Variants in GRIN2A observed in about 807,000 individuals in gnomAD.
GRIN2A encodes the protein glutamate receptor ionotropic, NMDA 2A.
Under a neutral mutation model 113.4 loss-of-function variants are expected in GRIN2A, and 22 were observed. That is an observed-to-expected ratio of 0.19 (90% CI 0.14 to 0.28). The LOEUF (loss-of-function observed/expected upper bound fraction) is 0.28. Ranked by LOEUF, GRIN2A falls within the 10% of genes least tolerant of loss-of-function variation. The pLI, the probability that GRIN2A is intolerant of heterozygous loss-of-function variation, is 1.00. For missense variants in GRIN2A, 1,502 were observed against 1,887.0 expected, an observed-to-expected ratio of 0.80 and a Z score of 3.78; for synonymous variants, 827 against 738.4, an observed-to-expected ratio of 1.12 and a Z score of -1.94.
At chr16:10,139,078 C>T (rs2049266335) in intron 2 of GRIN2A, among the ~76,000 whole-genome samples, 1 of 152,156 alleles carries the variant, frequency 6.6e-6, no homozygotes, top group African/African-American at 2.4e-5. Flanking sequence ...CTCAGAACAC[C>T]GGATGGAGAC....
intron 2 of GRIN2A, 105 bp downstream of exon 2, chr16:10,179,893 C>CCCCAAAACAAAAAAAAAA: frequency 1.4e-6 from 1 of 719,818 alleles, no homozygotes; most frequent in Non-Finnish European, 2.4e-6. Context: ...CCCCCACCCC[C>CCCCAAAACAAAAAAAAAA]ACTTCACATC....
intron 10 of GRIN2A, among the ~76,000 whole-genome samples, chr16:9,820,637 C>T (rs189018778): frequency 7.9e-5 from 12 of 152,092 alleles, no homozygotes; most frequent in Admixed American, 4.6e-4. Flanking sequence ...GAGCCAAAGA[C>T]GACAAAAAAG....
In GRIN2A at chr16:10,087,520, T is replaced by G. The variant is rs189924450; in HGVS notation, c.414+92478A>C. Reference sequence around the variant, plus strand: ...TTGCATCTAAGACATGAAGCAGAGCTGCAACTAACCTCATATAACTGGAAC... The same window carrying G: ...TTGCATCTAAGACATGAAGCAGAGCGGCAACTAACCTCATATAACTGGAAC... On this transcript the variant is annotated intron_variant, in intron 2 of 12. Coordinates refer to ENST00000330684, the MANE Select transcript of GRIN2A (RefSeq NM_001134407.3). Among the ~76,000 whole-genome samples, 4 of 152,334 alleles carry G rather than the reference T, an allele frequency of 2.6e-5. No homozygotes were observed. In the East Asian group the frequency reaches 7.7e-4, roughly 29 times the overall value.
In GRIN2A at chr16:9,753,416, A is replaced by G. The variant is rs1381323834; in HGVS notation, c.*9733T>C. 5.3e-6 allele frequency: 1 copy of G among 190,262 alleles called. No individual in the cohort carries two copies. The highest frequency in any genetic ancestry group is 1.1e-5 in the Non-Finnish European group (1 of 90,710). 11.8% of individuals were successfully genotyped at this position (190,262 alleles called of 1,614,324 possible). A position where few individuals can be genotyped will look rare whatever the true frequency, so the allele number is the denominator to read the frequency against. On this transcript the variant is annotated 3_prime_UTR_variant, in exon 13 of 13. Transcript: ENST00000330684. ...GACCACAACTCAATTTCTCATTTTC[A>G]TATCAATTGGCAGAAATTATCTTTA...
intron 5 of GRIN2A, among the ~76,000 whole-genome samples, chr16:9,842,000 C>T (rs2042688563): frequency 6.6e-6 from 1 of 152,100 alleles, no homozygotes; most frequent in African/African-American, 2.4e-5. Flanking sequence ...ACCTATAATC[C>T]CAGCACTTTC....
At chr16:9,884,874 A>G (rs528371092) in intron 4 of GRIN2A, among the ~76,000 whole-genome samples, 4 of 150,920 alleles carry the variant, frequency 2.7e-5, no homozygotes, top group African/African-American at 4.9e-5. Flanking sequence ...CTCAGCCTTC[A>G]GAGTAGCTGG....
intron 2 of GRIN2A, among the ~76,000 whole-genome samples, chr16:10,162,184 G>T (rs28402302): frequency 2.0e-5 from 3 of 152,162 alleles, no homozygotes; most frequent in African/African-American, 7.2e-5. Flanking sequence ...AGGATTCTAA[G>T]ACAGGGACTC....
At chr16:10,163,859 A>G (rs1255869262) in intron 2 of GRIN2A, among the ~76,000 whole-genome samples, 1 of 152,180 alleles carries the variant, frequency 6.6e-6, no homozygotes, top group Non-Finnish European at 1.5e-5. Context: ...TCCCTTTCCT[A>G]TCACAAGGCA....
intron 3 of GRIN2A, among the ~76,000 whole-genome samples, chr16:9,892,954 G>T (rs866736438): frequency 7.5e-6 from 1 of 133,666 alleles, no homozygotes. Context: ...AAAAAAAGAA[G>T]AAGAAGAAGA....
At chr16:10,134,338 G>A (rs931219573) in intron 2 of GRIN2A, among the ~76,000 whole-genome samples, 6 of 152,144 alleles carry the variant, frequency 3.9e-5, no homozygotes, top group African/African-American at 9.7e-5. Context: ...TTCTCATGAA[G>A]GGTAATATGT....
intron 2 of GRIN2A, among the ~76,000 whole-genome samples, chr16:10,001,092 C>G (rs1380952690): frequency 6.6e-6 from 1 of 152,134 alleles, no homozygotes; most frequent in Admixed American, 6.6e-5. Flanking sequence ...CCCGTGGGCC[C>G]CAATTGTCCT....
At chr16:10,107,845 T>A (rs72776008) in intron 2 of GRIN2A, among the ~76,000 whole-genome samples, 13,414 of 152,280 alleles carry the variant, frequency 0.088, 735 homozygotes, top group Non-Finnish European at 0.13. Context: ...TCAGTGCCTG[T>A]CTGACCACAC....
chr16:10,018,818 G>C (rs534956687), intron 2 of GRIN2A, among the ~76,000 whole-genome samples: 2 of 152,204 alleles, frequency 1.3e-5, no homozygotes, highest in South Asian at 4.1e-4. Flanking sequence ...GAATCTCTGA[G>C]TTGCAGACAC....
At chr16:10,106,886 A>T (rs574220480) in intron 2 of GRIN2A, among the ~76,000 whole-genome samples, 5 of 152,300 alleles carry the variant, frequency 3.3e-5, no homozygotes, top group Admixed American at 3.3e-4. Context: ...CCTGGGTGTT[A>T]TTTCAGCCTC....
intron 2 of GRIN2A, among the ~76,000 whole-genome samples, chr16:10,096,622 T>C (rs2048298121): frequency 6.7e-6 from 1 of 150,192 alleles, no homozygotes; most frequent in Non-Finnish European, 1.5e-5. Context: ...ACATCACCTT[T>C]CCCAAATGTC....
intron 10 of GRIN2A, among the ~76,000 whole-genome samples, chr16:9,800,802 T>C (rs1320309834): frequency 6.6e-6 from 1 of 152,124 alleles, no homozygotes; most frequent in Non-Finnish European, 1.5e-5. Flanking sequence ...AGAGCTGTCA[T>C]ACGTAACCTG....
At chr16:10,143,712 C>T (rs2049374825) in intron 2 of GRIN2A, among the ~76,000 whole-genome samples, 1 of 152,140 alleles carries the variant, frequency 6.6e-6, no homozygotes, top group Non-Finnish European at 1.5e-5. Context: ...TGCCTTTAAT[C>T]TCAGCATTTT....
chr16:10,045,740 G>C (rs1261213871), intron 2 of GRIN2A, among the ~76,000 whole-genome samples: 2 of 152,238 alleles, frequency 1.3e-5, no homozygotes, highest in Non-Finnish European at 2.9e-5. Flanking sequence ...TCCTGAAGCA[G>C]ATCATCTTGG....
intron 10 of GRIN2A, among the ~76,000 whole-genome samples, chr16:9,815,884 G>A (rs556248247): frequency 1.4e-4 from 21 of 152,348 alleles, no homozygotes; most frequent in Non-Finnish European, 2.5e-4. Context: ...ATTGAAAGAT[G>A]AATGGATGAG....
Sources: gnomAD v4.1 joint callset for allele counts (sites outside exome capture counted in the v4.1 genomes callset) on GRCh38, gnomAD v4.1.1 for gene constraint, MANE v1.5 for transcripts, NCBI Gene and HGNC (gene_info 2026-07-23, HGNC 2026-07-21) for gene names.